Variants in VAT1L observed in about 807,000 individuals in gnomAD.
VAT1L encodes putative NADPH-dependent quinone oxidoreductase VAT1L.
In VAT1L, 34 loss-of-function variants were observed where a neutral mutation model predicts 44.1. The observed-to-expected ratio is 0.77, with a 90% CI of 0.59 to 1.03. VAT1L has a LOEUF of 1.03. VAT1L is among the 50% of genes least tolerant of loss of function. The pLI, the probability that VAT1L is intolerant of heterozygous loss-of-function variation, is 0.00. For missense variants in VAT1L, 615 were observed against 538.8 expected (o/e 1.14, Z -1.40); for synonymous variants, 253 against 202.2 (o/e 1.25, Z -2.13).
intron 7 of VAT1L, among the ~76,000 whole-genome samples, chr16:77,943,694 G>A (rs1164975299): frequency 3.9e-5 from 6 of 151,952 alleles, no homozygotes; most frequent in East Asian, 1.9e-4. Flanking sequence ...GAGTCACTGC[G>A]CCCGACCCAC....
At chr16:77,925,926 T>C (rs1349425931) in intron 7 of VAT1L, among the ~76,000 whole-genome samples, 1 of 152,080 alleles carries the variant, frequency 6.6e-6, no homozygotes, top group Non-Finnish European at 1.5e-5. Flanking sequence ...ATCAATGGCA[T>C]GTATGCATTT....
intron 7 of VAT1L, among the ~76,000 whole-genome samples, chr16:77,904,902 A>C (rs2017423454): frequency 6.6e-6 from 1 of 152,304 alleles, no homozygotes; most frequent in East Asian, 1.9e-4. Context: ...CTCTTCATTT[A>C]ACACCTACTA....
At chr16:77,795,704 C>A (rs769079547) in intron 1 of VAT1L, among the ~76,000 whole-genome samples, 6 of 151,990 alleles carry the variant, frequency 3.9e-5, no homozygotes, top group Non-Finnish European at 7.4e-5. Context: ...AGCTGCCTAT[C>A]CTTTGGAAAG....
At chr16:77,925,810 A>C (rs2017660282) in intron 7 of VAT1L, among the ~76,000 whole-genome samples, 1 of 151,728 alleles carries the variant, frequency 6.6e-6, no homozygotes, top group African/African-American at 2.4e-5. Context: ...CAACATAAAA[A>C]GCCAGAAGCA....
chr16:77,945,797 CT>C (rs58436423), intron 7 of VAT1L, among the ~76,000 whole-genome samples: 39,337 of 140,958 alleles, frequency 0.28, 4,577 homozygotes, highest in East Asian at 0.41. Context: ...AGTGGCTTGA[CT>C]TTTTTTTTTT....
At chr16:77,867,503 G>A (rs190798845) in intron 4 of VAT1L, among the ~76,000 whole-genome samples, 2 of 151,714 alleles carry the variant, frequency 1.3e-5, no homozygotes, top group East Asian at 1.9e-4. Flanking sequence ...GATGCTTCTC[G>A]ACTTACAATG....
chr16:77,973,283 G>C (rs2018299922), intron 8 of VAT1L, among the ~76,000 whole-genome samples: 1 of 152,108 alleles, frequency 6.6e-6, no homozygotes, highest in Admixed American at 6.5e-5. Flanking sequence ...TATGTACTAA[G>C]TTCCAGGTCA....
intron 7 of VAT1L, among the ~76,000 whole-genome samples, chr16:77,951,887 A>C (rs1481639089): frequency 2.0e-5 from 3 of 152,040 alleles, no homozygotes; most frequent in Non-Finnish European, 4.4e-5. Context: ...GTTACTAGGC[A>C]AGATTATTTC....
intron 7 of VAT1L, among the ~76,000 whole-genome samples, chr16:77,904,613 C>G (rs1050069442): frequency 6.6e-6 from 1 of 152,218 alleles, no homozygotes; most frequent in Non-Finnish European, 1.5e-5. Flanking sequence ...CCTCCATCTC[C>G]AAATACTCTA....
rs528071976 is a variant in VAT1L at position 77,806,708 on chromosome 16, A to G, written c.234-10213A>G. ...ATGGGAACAACTGTTTTTACTAAAC[A>G]TTACTTTTATCATATCTTTTATGAT... On this transcript the variant is annotated intron_variant, in intron 1 of 8. Transcript: ENST00000302536. Among the ~76,000 whole-genome samples, 5 of 152,282 alleles carry G rather than the reference A, an allele frequency of 3.3e-5. No homozygotes were observed. In the East Asian group the frequency reaches 5.8e-4, roughly 18 times the overall value.
At chr16:77,799,284 C>G (rs915583136) in intron 1 of VAT1L, among the ~76,000 whole-genome samples, 2 of 144,208 alleles carry the variant, frequency 1.4e-5, no homozygotes, top group African/African-American at 5.1e-5. Context: ...CTCCCTCTTT[C>G]TCTGTCTCTC....
chr16:77,858,918 C>G (rs1032047118), intron 3 of VAT1L, among the ~76,000 whole-genome samples: 4 of 151,978 alleles, frequency 2.6e-5, no homozygotes, highest in African/African-American at 7.3e-5. Context: ...GGCGGGTCAC[C>G]TGAGGTCAGG....
intron 4 of VAT1L, among the ~76,000 whole-genome samples, chr16:77,870,004 T>A (rs762642865): frequency 7.2e-5 from 11 of 152,126 alleles, no homozygotes; most frequent in Admixed American, 5.9e-4. Flanking sequence ...AAGAGTCTAA[T>A]CACCTGGAAA....
At chr16:77,798,343 C>A (rs1273069611) in intron 1 of VAT1L, among the ~76,000 whole-genome samples, 1 of 152,216 alleles carries the variant, frequency 6.6e-6, no homozygotes, top group African/African-American at 2.4e-5. Context: ...AGCTTGAATT[C>A]AAATCCTAGC....
At chr16:77,914,320 G>C (rs1473202793) in intron 7 of VAT1L, among the ~76,000 whole-genome samples, 1 of 152,176 alleles carries the variant, frequency 6.6e-6, no homozygotes, top group Non-Finnish European at 1.5e-5. Flanking sequence ...TTTTGAGGTT[G>C]TATGCATTCA....
intron 1 of VAT1L, among the ~76,000 whole-genome samples, chr16:77,812,568 C>G: frequency 6.6e-6 from 1 of 152,284 alleles, no homozygotes; most frequent in East Asian, 1.9e-4. Context: ...ATGTTCACAT[C>G]TATTTAATGG....
At chr16:77,854,768 A>G (rs766452021) in intron 3 of VAT1L, among the ~76,000 whole-genome samples, 3 of 152,204 alleles carry the variant, frequency 2.0e-5, no homozygotes, top group Non-Finnish European at 4.4e-5. Context: ...TTCTTTGACT[A>G]CATTAATGAT....
intron 7 of VAT1L, among the ~76,000 whole-genome samples, chr16:77,963,515 C>G (rs1261842045): frequency 1.3e-5 from 2 of 152,144 alleles, no homozygotes; most frequent in Non-Finnish European, 2.9e-5. Flanking sequence ...CTTTTGACCT[C>G]CAGAACGGTA....
At chr16:77,937,879 T>C (rs1414293110) in intron 7 of VAT1L, among the ~76,000 whole-genome samples, 1 of 152,110 alleles carries the variant, frequency 6.6e-6, no homozygotes, top group African/African-American at 2.4e-5. Flanking sequence ...GAGTTGAAAA[T>C]TACCGAAGGA....
Sources: gnomAD v4.1 joint callset for allele counts (sites outside exome capture counted in the v4.1 genomes callset) on GRCh38, gnomAD v4.1.1 for gene constraint, MANE v1.5 for transcripts, NCBI Gene and HGNC (gene_info 2026-07-23, HGNC 2026-07-21) for gene names.